The following FZD1 variants were observed in gnomAD, a reference collection of about 807,000 sequenced individuals.
The protein encoded by FZD1 is frizzled-1.
FZD1 carries 22 observed loss-of-function variants against 48.0 expected under a neutral mutation model. That is an observed-to-expected ratio of 0.46 (90% CI 0.33 to 0.65). The LOEUF (loss-of-function observed/expected upper bound fraction) is 0.65, where lower values mean the gene tolerates loss of function less well. Ranked by LOEUF, FZD1 falls within the 30% of genes least tolerant of loss-of-function variation. FZD1 has a pLI of 0.02. For missense variants in FZD1, 843 were observed against 898.1 expected, an observed-to-expected ratio of 0.94 and a Z score of 0.78; for synonymous variants, 486 against 409.6, an observed-to-expected ratio of 1.19 and a Z score of -2.25.
In FZD1 at chr7:91,264,915, C is replaced by T. The variant is rs1014467401; in HGVS notation, c.35C>T (p.Ala12Val). The T allele has an allele frequency of 3.8e-6, 5 of 1,329,304 alleles. No homozygotes were observed. The highest frequency in any genetic ancestry group is 4.8e-6 in the Non-Finnish European group (5 of 1,044,700). The allele number at this position is 1,329,304 out of a possible 1,614,324, so 82.3% of individuals were successfully genotyped here. The change falls in exon 1 of 1, where the codon GCC (alanine) becomes GTC (valine). Residue 12 changes from alanine (A) to valine (V), a missense_variant. Physicochemically the swap from Ala to Val is moderately conservative, Grantham distance 64. Around this residue, in one of 2 missense-constraint regions of FZD1, gnomAD observed 490 missense variants for 466.5 expected, o/e 1.05. Transcript: ENST00000287934. The stretch of plus-strand genomic sequence containing the variant: ...GAGGAGGCGCCTAAGAAGTCCCGGG[C>T]CGCCGGCGGTGGCGCGAGCTGGGAA... ...AEEEAPKKSR[A>V]AGGGASWELC...
rs987079658 is a variant in FZD1, at chr7:91,268,258, C to G, written c.*1434C>G. On this transcript the variant is annotated 3_prime_UTR_variant, in exon 1 of 1. Transcript: ENST00000287934. Reference sequence around the variant, plus strand: ...AACAATTCACACCACCAATAATAACCTGGTAAGATTTCAGGAGGTAAAGAA... The same window carrying G: ...AACAATTCACACCACCAATAATAACGTGGTAAGATTTCAGGAGGTAAAGAA... The G allele has an allele frequency of 6.6e-5, 11 of 166,918 alleles. No individual in the cohort carries two copies. Among genetic ancestry groups the G allele is most frequent in the African/African-American group, 2.4e-4 (10 of 41,426 alleles). The allele number at this position is 166,918 out of a possible 1,614,324, so 10.3% of individuals were successfully genotyped here. A position where few individuals can be genotyped will look rare whatever the true frequency, so the allele number is the denominator to read the frequency against.
rs1584244955 is a variant in FZD1, at chr7:91,267,497, G to A, written c.*673G>A. ...CCACAAACCTTCCAAATCTGGAGGAGGGCCCCCATACATTACAATTCCTCC... is the reference window on the plus strand; with the variant it reads ...CCACAAACCTTCCAAATCTGGAGGAAGGCCCCCATACATTACAATTCCTCC... On this transcript the variant is annotated 3_prime_UTR_variant, in exon 1 of 1. Transcript: ENST00000287934. 6.0e-6 allele frequency: 1 copy of A among 167,290 alleles called. No homozygotes were observed. The highest frequency in any genetic ancestry group is 2.1e-4 in the South Asian group (1 of 4,832). The allele number at this position is 167,290 out of a possible 1,614,324, so 10.4% of individuals were successfully genotyped here. A position where few individuals can be genotyped will look rare whatever the true frequency, so the allele number is the denominator to read the frequency against.
chr7:91,270,545 G>C lies in FZD1; in HGVS notation c.*3721G>C, dbSNP rs1803953239. The C allele has an allele frequency of 6.0e-6, 1 of 166,980 alleles. No homozygotes were observed. Among genetic ancestry groups the C allele is most frequent in the Non-Finnish European group, 1.5e-5 (1 of 68,108 alleles). The allele number at this position is 166,980 out of a possible 1,614,324, so 10.3% of individuals were successfully genotyped here. On this transcript the variant is annotated 3_prime_UTR_variant, in exon 1 of 1. Coordinates refer to ENST00000287934, the MANE Select transcript of FZD1 (RefSeq NM_003505.2). ...GGAAAGGAGACTACAATGAAGAGTT[G>C]GTGGCCAATTAAGAAAAATAATAGA...
chr7:91,265,549 C>T lies in FZD1; in HGVS notation c.669C>T (p.Ala223=), dbSNP rs1162924702. ...LKCEKFPVHG[A]GELCVGQNTS... ...GTGAGAAGTTCCCGGTGCACGGCGCCGGCGAGCTGTGCGTGGGCCAGAACA... is the reference window on the plus strand; with the variant it reads ...GTGAGAAGTTCCCGGTGCACGGCGCTGGCGAGCTGTGCGTGGGCCAGAACA... The change falls in exon 1 of 1, where the codon GCC becomes GCT. Residue 223 remains alanine (A), a synonymous_variant. Coordinates refer to ENST00000287934, the MANE Select transcript of FZD1 (RefSeq NM_003505.2). The surrounding 1 kb of genome is among the most constrained non-coding windows in gnomAD (Gnocchi z 6.9). 3.1e-6 allele frequency: 5 copies of T among 1,611,018 alleles called. No homozygotes were observed. Among genetic ancestry groups the T allele is most frequent in the Non-Finnish European group, 3.4e-6 (4 of 1,179,788 alleles).
Position 91,265,590 on chromosome 7 carries a change from C to T in FZD1, c.710C>T (p.Thr237Ile). The change falls in exon 1 of 1, where the codon ACC becomes ATC. Residue 237 changes from threonine to isoleucine, a missense_variant. Thr to Ile is a moderately conservative substitution (Grantham distance 89). Transcript: ENST00000287934. The surrounding 1 kb of genome is among the most constrained non-coding windows in gnomAD (Gnocchi z 6.9). ...CVGQNTSDKGTPTPSLLPEFW... is the reference protein window; with the variant it reads ...CVGQNTSDKGIPTPSLLPEFW... ...GGCCAGAACACGTCCGACAAGGGCA[C>T]CCCGACGCCCTCGCTGCTTCCAGAG... 1 of 1,608,922 alleles carries T rather than the reference C, an allele frequency of 6.2e-7. No individual in the cohort carries two copies. The highest frequency in any genetic ancestry group is 8.5e-7 in the Non-Finnish European group (1 of 1,179,162).
At position 91,265,040 on chromosome 7, in the gene FZD1, C is replaced by T; in HGVS notation, c.160C>T (p.Gln54Ter). The change falls in exon 1 of 1, where the codon CAG becomes TAG. Residue 54 changes from glutamine (Q) to a stop codon, truncating the protein, a stop_gained. Coordinates refer to ENST00000287934, the MANE Select transcript of FZD1 (RefSeq NM_003505.2). LOFTEE classifies it high-confidence loss of function. This position sits in a 1 kb window ranked among gnomAD's most constrained non-coding sequence, Gnocchi z 6.9. ...PPVDPRRLAR[Q>*]LLLLLWLLEA... Reference sequence around the variant, plus strand: ...AGTTGACCCCCGGCGATTGGCGCGCCAGCTGCTGCTGCTGCTTTGGCTGCT... The same window carrying T: ...AGTTGACCCCCGGCGATTGGCGCGCTAGCTGCTGCTGCTGCTTTGGCTGCT... 1 of 1,401,886 alleles carries T rather than the reference C, an allele frequency of 7.1e-7. No homozygotes were observed. Among genetic ancestry groups the T allele is most frequent in the Non-Finnish European group, 9.3e-7 (1 of 1,078,382 alleles). The allele number at this position is 1,401,886 out of a possible 1,614,324, so 86.8% of individuals were successfully genotyped here.
At position 91,265,576 on chromosome 7, in the gene FZD1, G is replaced by C; in HGVS notation, c.696G>C (p.Thr232=). Residue 232 remains threonine, a synonymous_variant, in exon 1 of 1, where the codon ACG becomes ACC. Transcript: ENST00000287934. This position sits in a 1 kb window ranked among gnomAD's most constrained non-coding sequence, Gnocchi z 6.9. Reference sequence around the variant, plus strand: ...GCGAGCTGTGCGTGGGCCAGAACACGTCCGACAAGGGCACCCCGACGCCCT... The same window carrying C: ...GCGAGCTGTGCGTGGGCCAGAACACCTCCGACAAGGGCACCCCGACGCCCT... The part of the protein sequence containing the change: ...GAGELCVGQN[T]SDKGTPTPSL... 6.2e-7 allele frequency: 1 copy of C among 1,609,830 alleles called. No homozygotes were observed. The highest frequency in any genetic ancestry group is 8.5e-7 in the Non-Finnish European group (1 of 1,179,492).
In FZD1 at chr7:91,265,600, C is replaced by T; in HGVS notation, c.720C>T (p.Pro240=). ...CGTCCGACAAGGGCACCCCGACGCC[C>T]TCGCTGCTTCCAGAGTTCTGGACCA... ...QNTSDKGTPT[P]SLLPEFWTSN... The change falls in exon 1 of 1, where the codon CCC becomes CCT. Residue 240 remains proline, a synonymous_variant. Coordinates refer to ENST00000287934, the MANE Select transcript of FZD1 (RefSeq NM_003505.2). The surrounding 1 kb of genome is among the most constrained non-coding windows in gnomAD (Gnocchi z 6.9). The T allele has an allele frequency of 6.2e-7, 1 of 1,608,044 alleles. No homozygotes were observed. Among genetic ancestry groups the T allele is most frequent in the Non-Finnish European group, 8.5e-7 (1 of 1,178,784 alleles).
At position 91,266,178 on chromosome 7, in the gene FZD1, T is replaced by C. The variant is rs1444400261; in HGVS notation, c.1298T>C (p.Met433Thr). 6.2e-7 allele frequency: 1 copy of C among 1,614,044 alleles called. No individual in the cohort carries two copies. Among genetic ancestry groups the C allele is most frequent in the Non-Finnish European group, 8.5e-7 (1 of 1,180,032 alleles). The change falls in exon 1 of 1, where the codon ATG becomes ACG. Residue 433 changes from methionine to threonine, a missense_variant. This residue lies in a region of FZD1 where 353 missense variants were observed against 431.6 expected (regional missense o/e 0.82). Coordinates refer to ENST00000287934, the MANE Select transcript of FZD1 (RefSeq NM_003505.2). The surrounding 1 kb of genome is among the most constrained non-coding windows in gnomAD (Gnocchi z 6.8). ...CTCACCTGGTTCCTGGCGGCTGGCA[T>C]GAAGTGGGGCCACGAGGCCATCGAA... is the stretch of plus-strand genomic sequence containing the variant. ...LSLTWFLAAG[M>T]KWGHEAIEAN...
Position 91,264,858 on chromosome 7 carries a change from G to T in FZD1, c.-23G>T, listed in dbSNP as rs1418294147. 5.5e-6 allele frequency: 7 copies of T among 1,278,404 alleles called. No homozygotes were observed. The highest frequency in any genetic ancestry group is 1.6e-5 in the African/African-American group (1 of 64,324). The allele number at this position is 1,278,404 out of a possible 1,614,324, so 79.2% of individuals were successfully genotyped here. On this transcript the variant is annotated 5_prime_UTR_variant, in exon 1 of 1. Coordinates refer to ENST00000287934, the MANE Select transcript of FZD1 (RefSeq NM_003505.2). ...CCCCTGGCAGCCCCAGCGGAGCGGC[G>T]CCAAGAGAGGAGCCGAGAAAGTATG...
rs1307215952 is a variant in FZD1 at position 91,268,781 on chromosome 7, T to C, written c.*1957T>C. The C allele has an allele frequency of 6.0e-6, 1 of 166,878 alleles. No individual in the cohort carries two copies. Among genetic ancestry groups the C allele is most frequent in the African/African-American group, 2.4e-5 (1 of 41,454 alleles). 10.3% of individuals were successfully genotyped at this position (166,878 alleles called of 1,614,324 possible). A position where few individuals can be genotyped will look rare whatever the true frequency, so the allele number is the denominator to read the frequency against. The stretch of plus-strand genomic sequence containing the variant: ...GCTGTCTGAACTATTTTACATTTTA[T>C]GGTGTCTCATAGCCAATCCCACAGT... On this transcript the variant is annotated 3_prime_UTR_variant, in exon 1 of 1. Coordinates refer to ENST00000287934, the MANE Select transcript of FZD1 (RefSeq NM_003505.2).
chr7:91,265,547 G>A lies in FZD1; in HGVS notation c.667G>A (p.Ala223Thr). The A allele has an allele frequency of 2.5e-6, 4 of 1,611,170 alleles. No homozygotes were observed. The highest frequency in any genetic ancestry group is 2.5e-6 in the Non-Finnish European group (3 of 1,179,764). ...LKCEKFPVHG[A>T]GELCVGQNTS... is the part of the protein sequence containing the mutation. ...GTGTGAGAAGTTCCCGGTGCACGGC[G>A]CCGGCGAGCTGTGCGTGGGCCAGAA... Residue 223 changes from alanine to threonine, a missense_variant, in exon 1 of 1, where the codon GCC becomes ACC. Physicochemically the swap from Ala to Thr is moderately conservative, Grantham distance 58. Transcript: ENST00000287934. The surrounding 1 kb of genome is among the most constrained non-coding windows in gnomAD (Gnocchi z 6.9).
chr7:91,269,697 CCTTTTT>C lies in FZD1; in HGVS notation c.*2878_*2883del, dbSNP rs1479124533. The C allele has an allele frequency of 1.2e-5, 2 of 166,852 alleles. No individual in the cohort carries two copies. Among genetic ancestry groups the C allele is most frequent in the African/African-American group, 2.4e-5 (1 of 41,506 alleles). The allele number at this position is 166,852 out of a possible 1,614,324, so 10.3% of individuals were successfully genotyped here. A position where few individuals can be genotyped will look rare whatever the true frequency, so the allele number is the denominator to read the frequency against. ...AGTAGCAAGATGCAATTTTGTGTTC[CCTTTTT>C]CTTTGTTACATTAACATAATATAGT... On this transcript the variant is annotated 3_prime_UTR_variant, in exon 1 of 1. Coordinates refer to ENST00000287934, the MANE Select transcript of FZD1 (RefSeq NM_003505.2).
At position 91,268,302 on chromosome 7, in the gene FZD1, G is replaced by GT. The variant is rs2115564811; in HGVS notation, c.*1478_*1479insT. 1 of 167,148 alleles carries GT rather than the reference G, an allele frequency of 6.0e-6. No homozygotes were observed. Among genetic ancestry groups the GT allele is most frequent in the Admixed American group, 6.5e-5 (1 of 15,306 alleles). 10.4% of individuals were successfully genotyped at this position (167,148 alleles called of 1,614,324 possible). The stretch of plus-strand genomic sequence containing the variant: ...TAAAGAAGGTGGAATAATTGACGGG[G>GT]AGATAGCGCCTGAAATAAACAAAAT... On this transcript the variant is annotated 3_prime_UTR_variant, in exon 1 of 1. Transcript: ENST00000287934.
At position 91,265,483 on chromosome 7, in the gene FZD1, C is replaced by T. The variant is rs370896736; in HGVS notation, c.603C>T (p.Leu201=). 12 of 1,612,958 alleles carry T rather than the reference C, an allele frequency of 7.4e-6. No individual in the cohort carries two copies. Among genetic ancestry groups the T allele is most frequent in the Middle Eastern group, 1.6e-4 (1 of 6,082 alleles). The part of the protein sequence containing the change: ...CERARQGCEA[L]MNKFGFQWPD... ...GCGCGCGCCAGGGCTGCGAGGCGCTCATGAACAAGTTCGGCTTCCAGTGGC... is the reference window on the plus strand; with the variant it reads ...GCGCGCGCCAGGGCTGCGAGGCGCTTATGAACAAGTTCGGCTTCCAGTGGC... The change falls in exon 1 of 1, where the codon CTC becomes CTT. Residue 201 remains leucine, a synonymous_variant. Transcript: ENST00000287934. This position sits in a 1 kb window ranked among gnomAD's most constrained non-coding sequence, Gnocchi z 6.9.
In FZD1 at chr7:91,265,066, G is replaced by T; in HGVS notation, c.186G>T (p.Leu62=). Residue 62 remains leucine (L), a synonymous_variant, in exon 1 of 1, where the codon CTG becomes CTT. Coordinates refer to ENST00000287934, the MANE Select transcript of FZD1 (RefSeq NM_003505.2). The surrounding 1 kb of genome is among the most constrained non-coding windows in gnomAD (Gnocchi z 6.9). ...ARQLLLLLWL[L]EAPLLLGVRA... ...AGCTGCTGCTGCTGCTTTGGCTGCT[G>T]GAGGCTCCGCTGCTGCTGGGGGTCC... 1 of 1,383,292 alleles carries T rather than the reference G, an allele frequency of 7.2e-7. No individual in the cohort carries two copies. The highest frequency in any genetic ancestry group is 9.3e-7 in the Non-Finnish European group (1 of 1,073,506). 85.7% of individuals were successfully genotyped at this position (1,383,292 alleles called of 1,614,324 possible).
rs1584244729 is a variant in FZD1, at chr7:91,267,020, C to A, written c.*196C>A. On this transcript the variant is annotated 3_prime_UTR_variant, in exon 1 of 1. Transcript: ENST00000287934. ...GCAAAAGGACACGAGGGCCCGACTGCCAGAGGGAGGATGGACAGACCTCTT... is the reference window on the plus strand; with the variant it reads ...GCAAAAGGACACGAGGGCCCGACTGACAGAGGGAGGATGGACAGACCTCTT... 11 of 555,868 alleles carry A rather than the reference C, an allele frequency of 2.0e-5. No homozygotes were observed. In the East Asian group the frequency reaches 3.3e-4, roughly 16 times the overall value. The allele number at this position is 555,868 out of a possible 1,614,324, so 34.4% of individuals were successfully genotyped here.
rs1584245601 is a variant in FZD1, at chr7:91,268,715, A to C, written c.*1891A>C. 1 of 166,318 alleles carries C rather than the reference A, an allele frequency of 6.0e-6. No homozygotes were observed. The highest frequency in any genetic ancestry group is 1.5e-5 in the Non-Finnish European group (1 of 68,092). The allele number at this position is 166,318 out of a possible 1,614,324, so 10.3% of individuals were successfully genotyped here. ...AAATAAAAAATTCAAAGTTTTGTAC[A>C]AAATTATATGGATTTTGTGCCTGAA... On this transcript the variant is annotated 3_prime_UTR_variant, in exon 1 of 1. Transcript: ENST00000287934.
At position 91,265,837 on chromosome 7, in the gene FZD1, G is replaced by C. The variant is rs1313165569; in HGVS notation, c.957G>C (p.Ser319=). ...MYFGPEELRF[S]RTWIGIWSVL... ...TCGGGCCCGAGGAGCTGCGCTTCTC[G>C]CGCACCTGGATTGGCATTTGGTCAG... Residue 319 remains serine, a synonymous_variant, in exon 1 of 1, where the codon TCG becomes TCC. Coordinates refer to ENST00000287934, the MANE Select transcript of FZD1 (RefSeq NM_003505.2). This position sits in a 1 kb window ranked among gnomAD's most constrained non-coding sequence, Gnocchi z 6.9. The C allele has an allele frequency of 1.2e-6, 2 of 1,613,984 alleles. No homozygotes were observed. Among genetic ancestry groups the C allele is most frequent in the Non-Finnish European group, 8.5e-7 (1 of 1,179,886 alleles).
Sources: allele counts gnomAD v4.1 joint callset, GRCh38; gene constraint gnomAD v4.1.1; regional missense constraint gnomAD v4.1.1; non-coding constraint Gnocchi (gnomAD v3.1); transcripts MANE v1.5; gene names NCBI Gene and HGNC (gene_info 2026-07-23, HGNC 2026-07-21).